The following AGBL1 variants were observed in gnomAD, a reference collection of about 807,000 sequenced individuals.
AGBL1 encodes the protein cytosolic carboxypeptidase 4.
Under a neutral mutation model 118.9 loss-of-function variants are expected in AGBL1, and 130 were observed. The ratio of observed to expected loss-of-function variants is 1.09; its 90% CI spans 0.95 to 1.26. AGBL1 has a LOEUF of 1.26. AGBL1 is among the 50% of genes most tolerant of loss of function. The probability of loss-of-function intolerance (pLI) is 0.00; values close to 1 mark genes in which losing one functional copy is unlikely to be tolerated. For missense variants in AGBL1, 1,584 were observed against 1,298.1 expected, an observed-to-expected ratio of 1.22 and a Z score of -3.38; for synonymous variants, 555 against 478.9, an observed-to-expected ratio of 1.16 and a Z score of -2.08.
intron 21 of AGBL1, among the ~76,000 whole-genome samples, chr15:86,668,682 C>G (rs538227484): frequency 7.9e-5 from 12 of 152,106 alleles, no homozygotes; most frequent in African/African-American, 2.9e-4. Context: ...ATACTAAACC[C>G]TGTTCACTTA....
At chr15:86,256,591 C>G (rs2078898735) in intron 7 of AGBL1, among the ~76,000 whole-genome samples, 1 of 152,196 alleles carries the variant, frequency 6.6e-6, no homozygotes, top group African/African-American at 2.4e-5. Context: ...TGTATTCAGA[C>G]TGAATTCATT....
intron 6 of AGBL1, among the ~76,000 whole-genome samples, chr15:86,242,878 A>G (rs991570153): frequency 2.0e-5 from 3 of 152,230 alleles, no homozygotes; most frequent in East Asian, 1.9e-4. Context: ...GTGGCCCCAC[A>G]TTGCCCAGGA....
chr15:86,264,127 C>T (rs1002021143), intron 10 of AGBL1, 131 bp from the exon 11 acceptor site: 7 of 764,188 alleles, frequency 9.2e-6, no homozygotes, highest in Non-Finnish European at 1.5e-5. Flanking sequence ...CTTTAGTTGA[C>T]CTTGGAAAAA....
At chr15:86,294,841 G>T (rs1021535703) in intron 16 of AGBL1, among the ~76,000 whole-genome samples, 1 of 152,120 alleles carries the variant, frequency 6.6e-6, no homozygotes, top group East Asian at 1.9e-4. Flanking sequence ...GCACTTTTAG[G>T]GTATCCATCA....
rs769721910 is a variant in AGBL1, at chr15:86,613,403, T to A, written c.2994+58866T>A. Among the ~76,000 whole-genome samples the A allele has an allele frequency of 1.3e-5, 2 of 152,146 alleles. No homozygotes were observed. The highest frequency in any genetic ancestry group is 4.8e-5 in the African/African-American group (2 of 41,436). On this transcript the variant is annotated intron_variant, in intron 21 of 22. Transcript: ENST00000614907. This position sits in a 1 kb window ranked among gnomAD's most constrained non-coding sequence, Gnocchi z 4.2. ...GGACAGTTAGTGGGTGAGAAGACAG[T>A]GTCTGGCATGTTCAAAGCTGCTTAG... is the stretch of plus-strand genomic sequence containing the variant.
chr15:86,303,442 A>G (rs2079786237), intron 17 of AGBL1, among the ~76,000 whole-genome samples: 1 of 152,158 alleles, frequency 6.6e-6, no homozygotes, highest in African/African-American at 2.4e-5. Flanking sequence ...GAGTTGAAAT[A>G]TTAATATTTC....
rs991889496 is a variant in AGBL1, at chr15:86,914,844, G to A, written c.*7550G>A. 9 of 152,176 alleles carry A rather than the reference G, an allele frequency of 5.9e-5. No individual in the cohort carries two copies. Among genetic ancestry groups the A allele is most frequent in the Non-Finnish European group, 1.3e-4 (9 of 68,036 alleles). The allele number at this position is 152,176 out of a possible 1,614,324, so 9.4% of individuals were successfully genotyped here. ...AGCAAGTCTCCATTTCTAGGAAAGT[G>A]TGTTGTTCTTGTAGATCCTTGACTC... is the stretch of plus-strand genomic sequence containing the variant. On this transcript the variant is annotated 3_prime_UTR_variant, in exon 23 of 23. Coordinates refer to ENST00000614907, the MANE Select transcript of AGBL1 (RefSeq NM_001386094.1).
intron 17 of AGBL1, among the ~76,000 whole-genome samples, chr15:86,300,706 T>C (rs2079731728): frequency 6.6e-6 from 1 of 152,212 alleles, no homozygotes; most frequent in Non-Finnish European, 1.5e-5. Flanking sequence ...CTCACAACTG[T>C]TCTTTCCAGG....
chr15:86,955,430 G>A (rs575946266), intron 23 of AGBL1, among the ~76,000 whole-genome samples: 15 of 151,876 alleles, frequency 9.9e-5, no homozygotes, highest in African/African-American at 3.6e-4. Context: ...AAGGAGCCAA[G>A]AATTCAACTC....
chr15:86,827,429 ACACATATATATATGTGTGTG>A (rs1263366638), intron 22 of AGBL1, among the ~76,000 whole-genome samples: 4 of 7,062 alleles, frequency 5.7e-4, no homozygotes, highest in African/African-American at 1.1e-3. Flanking sequence ...ATATATATAT[ACACATATATATATGTGTGTG>A]TATATATATA....
chr15:86,679,159 A>G (rs2085903677), intron 22 of AGBL1, among the ~76,000 whole-genome samples: 1 of 152,090 alleles, frequency 6.6e-6, no homozygotes, highest in Non-Finnish European at 1.5e-5. Context: ...AATTATAGAT[A>G]TTTTTGGTCT....
chr15:86,530,504 A>T (rs985398966), intron 19 of AGBL1, among the ~76,000 whole-genome samples: 3 of 135,636 alleles, frequency 2.2e-5, no homozygotes, highest in African/African-American at 3.2e-5. Flanking sequence ...CCACACATTA[A>T]TAATAGGAGA....
In AGBL1 at chr15:86,114,065, A is replaced by G. The variant is rs570125874; in HGVS notation, c.52-27939A>G. Among the ~76,000 whole-genome samples the G allele has an allele frequency of 3.9e-5, 6 of 152,372 alleles. No individual in the cohort carries two copies. In the East Asian group the frequency reaches 1.2e-3, roughly 29 times the overall value. On this transcript the variant is annotated intron_variant, in intron 1 of 22. Coordinates refer to ENST00000614907, the MANE Select transcript of AGBL1 (RefSeq NM_001386094.1). ...AGTTACCAGTGACATTTCAAAGACTATATTTGTTAATAACTGAGGCTTAAC... is the reference window on the plus strand; with the variant it reads ...AGTTACCAGTGACATTTCAAAGACTGTATTTGTTAATAACTGAGGCTTAAC...
intron 22 of AGBL1, among the ~76,000 whole-genome samples, chr15:86,694,958 T>C (rs1005266867): frequency 2.0e-5 from 3 of 152,230 alleles, no homozygotes; most frequent in Admixed American, 2.0e-4. Flanking sequence ...TCAATCATGG[T>C]GGATTATCTT....
intron 18 of AGBL1, among the ~76,000 whole-genome samples, chr15:86,417,183 C>T (rs764452755): frequency 6.6e-5 from 10 of 152,270 alleles, no homozygotes; most frequent in Middle Eastern, 3.4e-3. Context: ...ATTTCATTTT[C>T]GATAGTCCTC....
chr15:86,942,620 A>G (rs892069396), intron 23 of AGBL1, among the ~76,000 whole-genome samples: 1 of 152,102 alleles, frequency 6.6e-6, no homozygotes, highest in Admixed American at 6.5e-5. Context: ...CTCTCAACTT[A>G]ATTAAAATAC....
chr15:86,449,242 G>A (rs2082163802), intron 18 of AGBL1, among the ~76,000 whole-genome samples: 1 of 152,168 alleles, frequency 6.6e-6, no homozygotes, highest in African/African-American at 2.4e-5. Flanking sequence ...TTTACTAAGT[G>A]CCAGACACTA....
At chr15:86,266,863 G>A in intron 12 of AGBL1, 127 bp from the exon 13 acceptor site, 1 of 817,996 alleles carries the variant, frequency 1.2e-6, no homozygotes, top group African/African-American at 1.7e-5. Flanking sequence ...ATCCCGCCCT[G>A]CACTCCAGCC....
At chr15:86,895,075 C>T (rs1364617146) in intron 22 of AGBL1, among the ~76,000 whole-genome samples, 1 of 151,122 alleles carries the variant, frequency 6.6e-6, no homozygotes, top group Non-Finnish European at 1.5e-5. Flanking sequence ...TTCCCTCCTT[C>T]CCTTTCTTTT....
Sources: gnomAD v4.1 joint callset for allele counts (sites outside exome capture counted in the v4.1 genomes callset) on GRCh38, gnomAD v4.1.1 for gene constraint, Gnocchi (gnomAD v3.1) non-coding constraint, MANE v1.5 for transcripts, NCBI Gene and HGNC (gene_info 2026-07-23, HGNC 2026-07-21) for gene names.